KIF2A: variants seen among roughly 807,000 people sequenced by gnomAD.
KIF2A encodes kinesin family member 2A.
KIF2A carries 22 observed loss-of-function variants against 100.2 expected under a neutral mutation model. That is an observed-to-expected ratio of 0.22 (90% CI 0.16 to 0.31). The LOEUF (loss-of-function observed/expected upper bound fraction) is 0.31. Ranked by LOEUF, KIF2A falls within the 10% of genes least tolerant of loss-of-function variation. The probability of loss-of-function intolerance (pLI) is 1.00; values close to 1 mark genes in which losing one functional copy is unlikely to be tolerated. For synonymous variants in KIF2A, 268 were observed against 285.9 expected (o/e 0.94, Z 0.63); for missense variants, 495 against 898.7 (o/e 0.55, Z 5.74).
At chr5:62,309,782 C>G (rs773169054) in intron 1 of KIF2A, among the ~76,000 whole-genome samples, 9 of 152,118 alleles carry the variant, frequency 5.9e-5, no homozygotes, top group Non-Finnish European at 1.2e-4. Flanking sequence ...AAACATATCC[C>G]AAGGGCAAAC....
chr5:62,318,728 C>T (rs570736033), intron 1 of KIF2A, among the ~76,000 whole-genome samples: 1 of 152,238 alleles, frequency 6.6e-6, no homozygotes, highest in South Asian at 2.1e-4. Context: ...CTTGATCCTA[C>T]CCCTGCAGTA....
rs1242846187 is a variant in KIF2A, at chr5:62,362,515, A to G, written c.1093A>G (p.Thr365Ala). 1.4e-6 allele frequency: 2 copies of G among 1,447,342 alleles called. No homozygotes were observed. The highest frequency in any genetic ancestry group is 1.8e-6 in the Non-Finnish European group (2 of 1,101,446). 89.7% of individuals were successfully genotyped at this position (1,447,342 alleles called of 1,614,324 possible). The change falls in exon 12 of 21, where the codon ACC (threonine) becomes GCC (alanine). Residue 365 changes from threonine (T) to alanine (A), a missense_variant. By Grantham distance (58) the Thr-to-Ala change is moderately conservative (BLOSUM62 0). Coordinates refer to ENST00000407818, the MANE Select transcript of KIF2A (RefSeq NM_001098511.3). ...GAAGCTAGAACTTCAAGTATATGCA[A>G]CCTTCTTTGAAATTTATAGTGGAAA... is the stretch of plus-strand genomic sequence containing the variant. ...YKKLELQVYA[T>A]FFEIYSGKVF...
chr5:62,362,349 C>T (rs1255298928), intron 11 of KIF2A, 101 bp from the exon 12 acceptor site: 2 of 461,758 alleles, frequency 4.3e-6, no homozygotes, highest in South Asian at 5.2e-5. Flanking sequence ...TACTGTTATC[C>T]TAGGTAAAGA....
chr5:62,361,365 G>A (rs1465680990), intron 10 of KIF2A, 33 bp downstream of exon 10: 12 of 1,507,566 alleles, frequency 8.0e-6, no homozygotes, highest in East Asian at 2.3e-5. Flanking sequence ...ATTCTGGTAC[G>A]AAGCTACAGT....
At chr5:62,310,038 G>T (rs1745482411) in intron 1 of KIF2A, among the ~76,000 whole-genome samples, 1 of 151,282 alleles carries the variant, frequency 6.6e-6, no homozygotes, top group Non-Finnish European at 1.5e-5. Context: ...TAAACTGCAT[G>T]GGGTAATGGG....
chr5:62,306,762 G>A (rs932697537), intron 1 of KIF2A, among the ~76,000 whole-genome samples: 1 of 152,162 alleles, frequency 6.6e-6, no homozygotes, highest in Non-Finnish European at 1.5e-5. Flanking sequence ...GAGGGAAGCC[G>A]GGTGGGGAAA....
At chr5:62,365,193 ATCCTTTATAAGAAAG>A in intron 14 of KIF2A, 35 bp from the exon 15 acceptor site, 1 of 905,582 alleles carries the variant, frequency 1.1e-6, no homozygotes, top group Non-Finnish European at 1.7e-6. Context: ...AATTAAGATT[ATCCTTTATAAGAAAG>A]ACTAATCTGT....
chr5:62,322,865 T>G (rs908574473), intron 1 of KIF2A, among the ~76,000 whole-genome samples: 5 of 38,058 alleles, frequency 1.3e-4, no homozygotes, highest in African/African-American at 1.7e-4. Flanking sequence ...GGTTTTTGGG[T>G]TTTTTTTTTT....
intron 2 of KIF2A, 43 bp from the exon 3 acceptor site, chr5:62,348,005 C>T: frequency 6.3e-7 from 1 of 1,581,272 alleles, no homozygotes; most frequent in East Asian, 2.3e-5. Context: ...GGTTAATTGT[C>T]AAAATATACT....
intron 1 of KIF2A, among the ~76,000 whole-genome samples, chr5:62,342,091 T>C (rs2111889313): frequency 6.6e-6 from 1 of 152,342 alleles, no homozygotes; most frequent in African/African-American, 2.4e-5. Flanking sequence ...CAGTGTTTTA[T>C]TAAACTCTTT....
At chr5:62,357,440 A>G (rs181540393) in intron 7 of KIF2A, among the ~76,000 whole-genome samples, 137 of 152,330 alleles carry the variant, frequency 9.0e-4, no homozygotes, top group African/African-American at 3.1e-3. Flanking sequence ...TACCCTCTAC[A>G]GAATTATTTC....
chr5:62,370,986 G>A (rs1741296966), intron 16 of KIF2A, among the ~76,000 whole-genome samples: 2 of 152,162 alleles, frequency 1.3e-5, no homozygotes, highest in South Asian at 4.1e-4. Flanking sequence ...GATTTTTCAG[G>A]CCAGACGCTG....
At chr5:62,326,277 G>C (rs1370683830) in intron 1 of KIF2A, among the ~76,000 whole-genome samples, 1 of 151,916 alleles carries the variant, frequency 6.6e-6, no homozygotes, top group South Asian at 2.1e-4. Flanking sequence ...TTTGTATTCT[G>C]TCTGTTGGTT....
At chr5:62,326,142 C>T (rs1482323113) in intron 1 of KIF2A, among the ~76,000 whole-genome samples, 1 of 152,136 alleles carries the variant, frequency 6.6e-6, no homozygotes, top group Non-Finnish European at 1.5e-5. Context: ...AAAAAAATGC[C>T]TCTGCAGACC....
chr5:62,306,375 C>A lies in KIF2A; in HGVS notation c.-98C>A. 1.0e-6 allele frequency: 1 copy of A among 980,762 alleles called. No individual in the cohort carries two copies. Among genetic ancestry groups the A allele is most frequent in the South Asian group, 1.5e-5 (1 of 66,764 alleles). 60.8% of individuals were successfully genotyped at this position (980,762 alleles called of 1,614,324 possible). ...TCGCCCGGGCCGGCGCGGCCGCGGG[C>A]AACCGCTCCCCCTCCCACACCTACC... On this transcript the variant is annotated 5_prime_UTR_variant, in exon 1 of 21. Transcript: ENST00000407818.
rs1435787533 is a variant in KIF2A at position 62,389,806 on chromosome 5, T to C, written c.*4237T>C. Reference sequence around the variant, plus strand: ...TCTCTGTAGATACCTATGTACTTAATAGATTCTAGTTAGTAAACTGCACAT... The same window carrying C: ...TCTCTGTAGATACCTATGTACTTAACAGATTCTAGTTAGTAAACTGCACAT... On this transcript the variant is annotated 3_prime_UTR_variant, in exon 21 of 21. Coordinates refer to ENST00000407818, the MANE Select transcript of KIF2A (RefSeq NM_001098511.3). 1.3e-5 allele frequency among the ~76,000 whole-genome samples: 2 copies of C among 152,200 alleles called. No individual in the cohort carries two copies. Among genetic ancestry groups the C allele is most frequent in the Non-Finnish European group, 2.9e-5 (2 of 68,044 alleles).
At chr5:62,323,072 C>A (rs1476117027) in intron 1 of KIF2A, among the ~76,000 whole-genome samples, 2 of 151,416 alleles carry the variant, frequency 1.3e-5, no homozygotes, top group Non-Finnish European at 2.9e-5. Context: ...GCCTGACCAA[C>A]ATGGAGAAAC....
intron 1 of KIF2A, among the ~76,000 whole-genome samples, chr5:62,341,002 T>C (rs1747265058): frequency 6.6e-6 from 1 of 152,228 alleles, no homozygotes; most frequent in African/African-American, 2.4e-5. Context: ...TTGTAGGTAG[T>C]GTAGATGGTT....
Position 62,314,758 on chromosome 5 carries a change from G to GTTTTT in KIF2A, c.64+8240_64+8244dup, listed in dbSNP as rs34987605. On this transcript the variant is annotated intron_variant, in intron 1 of 20. Coordinates refer to ENST00000407818, the MANE Select transcript of KIF2A (RefSeq NM_001098511.3). ...GTCTATACTGTGCTGAGAATGAACTGTTTTTTTTTTTTTTTTTTTTTTAAG... is the reference window on the plus strand; with the variant it reads ...GTCTATACTGTGCTGAGAATGAACTGTTTTTTTTTTTTTTTTTTTTTTTTTTTAAG... Among the ~76,000 whole-genome samples the GTTTTT allele has an allele frequency of 8.4e-4, 85 of 100,854 alleles. 5 individuals carry two copies. The highest frequency in any genetic ancestry group is 1.3e-3 in the East Asian group (4 of 3,184). The allele number at this position is 100,854 out of a possible 152,430, so 66.2% of individuals were successfully genotyped here.
Sources: gnomAD v4.1 joint callset for allele counts (sites outside exome capture counted in the v4.1 genomes callset) on GRCh38, gnomAD v4.1.1 for gene constraint, MANE v1.5 for transcripts, NCBI Gene and HGNC (gene_info 2026-07-23, HGNC 2026-07-21) for gene names.